HAPLN1: variants seen among roughly 807,000 people sequenced by gnomAD.
The protein encoded by HAPLN1 is Cartilage link protein.
Under a neutral mutation model 36.5 loss-of-function variants are expected in HAPLN1, and 13 were observed. That is an observed-to-expected ratio of 0.36 (90% CI 0.23 to 0.57). The LOEUF is 0.57. Among genes scored for constraint, HAPLN1 ranks in the 20% least tolerant of loss-of-function variants. The probability of loss-of-function intolerance (pLI) is 0.83; values close to 1 mark genes in which losing one functional copy is unlikely to be tolerated. For synonymous variants in HAPLN1, 202 were observed against 169.8 expected (o/e 1.19, Z -1.48); for missense variants, 407 against 439.7 (o/e 0.93, Z 0.66).
intron 2 of HAPLN1, among the ~76,000 whole-genome samples, chr5:83,670,689 T>TTGTGTG (rs10572732): frequency 1.3e-5 from 2 of 148,924 alleles, no homozygotes; most frequent in South Asian, 2.1e-4. Context: ...TACCTTTGTT[T>TTGTGTG]TGTGTGTGTG....
chr5:83,695,369 A>C (rs1297110467), intron 1 of HAPLN1, among the ~76,000 whole-genome samples: 1 of 151,726 alleles, frequency 6.6e-6, no homozygotes, highest in Non-Finnish European at 1.5e-5. Flanking sequence ...CAGGAGATCT[A>C]CCTGCCTCGG....
chr5:83,646,855 T>G (rs977978251), intron 3 of HAPLN1, among the ~76,000 whole-genome samples: 3 of 152,180 alleles, frequency 2.0e-5, no homozygotes, highest in Non-Finnish European at 1.5e-5. Flanking sequence ...GGAGTGCTGA[T>G]GAAAAGGAAA....
At chr5:83,659,011 T>C (rs532595363) in intron 2 of HAPLN1, among the ~76,000 whole-genome samples, 1 of 152,220 alleles carries the variant, frequency 6.6e-6, no homozygotes, top group Admixed American at 6.5e-5. Flanking sequence ...CAGTGGCTCA[T>C]GCCTGTAATC....
At chr5:83,650,627 C>G (rs1029154951) in intron 3 of HAPLN1, among the ~76,000 whole-genome samples, 12 of 130,228 alleles carry the variant, frequency 9.2e-5, no homozygotes, top group Admixed American at 7.4e-4. Flanking sequence ...GAAAAAAATT[C>G]TTTTCTTTTT....
intron 2 of HAPLN1, among the ~76,000 whole-genome samples, chr5:83,664,825 A>G (rs1298493773): frequency 6.6e-6 from 1 of 152,232 alleles, no homozygotes; most frequent in Non-Finnish European, 1.5e-5. Flanking sequence ...TGATTTTAAT[A>G]TATTGTGGGA....
intron 2 of HAPLN1, 34 bp from the exon 3 acceptor site, chr5:83,652,858 C>T (rs1158095317): frequency 6.7e-7 from 1 of 1,494,922 alleles, no homozygotes; most frequent in Admixed American, 2.2e-5. Flanking sequence ...AAGAAAATAA[C>T]TATTAATATA....
chr5:83,665,051 T>G lies in HAPLN1; in HGVS notation c.100+8373A>C, dbSNP rs179851. On this transcript the variant is annotated intron_variant, in intron 2 of 4. Coordinates refer to ENST00000274341, the MANE Select transcript of HAPLN1 (RefSeq NM_001884.4). ...TGCAGATTTTTGGAGATTTAAAACC[T>G]GACAGCATAATTGACAACATTTTTC... is the stretch of plus-strand genomic sequence containing the variant. 2.0e-5 allele frequency among the ~76,000 whole-genome samples: 3 copies of G among 151,942 alleles called. No homozygotes were observed. The East Asian group carries it at 5.8e-4, about 29-fold the overall frequency.
chr5:83,700,005 C>T (rs887452884), intron 1 of HAPLN1, among the ~76,000 whole-genome samples: 19 of 152,010 alleles, frequency 1.2e-4, no homozygotes, highest in African/African-American at 4.1e-4. Flanking sequence ...ACCATCCTGG[C>T]CAACATGGTG....
chr5:83,696,248 A>C (rs1004836436), intron 1 of HAPLN1, among the ~76,000 whole-genome samples: 1 of 152,148 alleles, frequency 6.6e-6, no homozygotes, highest in Non-Finnish European at 1.5e-5. Flanking sequence ...TGTTCAGATA[A>C]ATTAAATGAG....
At chr5:83,713,042 A>G (rs1320572645) in intron 1 of HAPLN1, among the ~76,000 whole-genome samples, 4 of 152,220 alleles carry the variant, frequency 2.6e-5, no homozygotes, top group Admixed American at 6.5e-5. Context: ...ACTCATTTAT[A>G]TGGTAAGCTA....
chr5:83,656,125 C>T (rs867066628), intron 2 of HAPLN1, among the ~76,000 whole-genome samples: 9 of 151,844 alleles, frequency 5.9e-5, no homozygotes, highest in South Asian at 2.1e-4. Flanking sequence ...GTCAGGAGTT[C>T]GAGATCAGCC....
intron 2 of HAPLN1, among the ~76,000 whole-genome samples, chr5:83,665,947 A>T (rs1464511971): frequency 1.3e-5 from 2 of 152,230 alleles, no homozygotes; most frequent in Non-Finnish European, 2.9e-5. Flanking sequence ...TTGAAGGCAG[A>T]CAAGTCTAGG....
chr5:83,653,350 A>C (rs1750128014), intron 2 of HAPLN1, among the ~76,000 whole-genome samples: 1 of 152,216 alleles, frequency 6.6e-6, no homozygotes, highest in African/African-American at 2.4e-5. Context: ...AAGAACTCAG[A>C]ATATCCTCAC....
intron 1 of HAPLN1, among the ~76,000 whole-genome samples, chr5:83,689,691 AT>A (rs910911452): frequency 1.3e-5 from 2 of 152,014 alleles, no homozygotes; most frequent in African/African-American, 4.8e-5. Flanking sequence ...AAAGGGAGAG[AT>A]TTTTTTATTT....
intron 1 of HAPLN1, among the ~76,000 whole-genome samples, chr5:83,687,194 A>G (rs1453125823): frequency 6.6e-6 from 1 of 152,180 alleles, no homozygotes; most frequent in East Asian, 1.9e-4. Context: ...AGTCAAAATC[A>G]ATTTTTAAAA....
intron 2 of HAPLN1, among the ~76,000 whole-genome samples, chr5:83,665,913 G>T (rs1750537841): frequency 6.6e-6 from 1 of 152,170 alleles, no homozygotes; most frequent in South Asian, 2.1e-4. Context: ...GATACTATTT[G>T]TACTGACTAC....
At chr5:83,712,210 A>G (rs1288384511) in intron 1 of HAPLN1, among the ~76,000 whole-genome samples, 1 of 152,156 alleles carries the variant, frequency 6.6e-6, no homozygotes, top group East Asian at 1.9e-4. Flanking sequence ...AGCACAATAT[A>G]ACATGTAATT....
intron 2 of HAPLN1, among the ~76,000 whole-genome samples, chr5:83,653,900 A>G (rs79693403): frequency 0.019 from 2,867 of 152,382 alleles, 36 homozygotes; most frequent in Non-Finnish European, 0.026. Flanking sequence ...AGAAAGTGAC[A>G]TAAGAGCTCC....
intron 1 of HAPLN1, among the ~76,000 whole-genome samples, chr5:83,690,837 T>A (rs1221259220): frequency 2.0e-5 from 3 of 152,090 alleles, no homozygotes; most frequent in African/African-American, 7.2e-5. Flanking sequence ...CTATCCTGAG[T>A]ATTTTATTAA....
Sources: gnomAD v4.1 joint callset for allele counts (sites outside exome capture counted in the v4.1 genomes callset) on GRCh38, gnomAD v4.1.1 for gene constraint, MANE v1.5 for transcripts, NCBI Gene and HGNC (gene_info 2026-07-23, HGNC 2026-07-21) for gene names.